Variants in OSBP2 observed in about 807,000 individuals in gnomAD.
OSBP2 encodes the protein oxysterol binding protein 2.
A neutral mutation model predicts 96.0 loss-of-function variants in OSBP2; 66 were observed. The ratio of observed to expected loss-of-function variants is 0.69; its 90% CI spans 0.56 to 0.84. The LOEUF (loss-of-function observed/expected upper bound fraction) is 0.84. Ranked by LOEUF, OSBP2 falls within the 40% of genes least tolerant of loss-of-function variation. The pLI is 0.00. For missense variants in OSBP2, 1,038 were observed against 1,222.7 expected, an observed-to-expected ratio of 0.85 and a Z score of 2.25; for synonymous variants, 525 against 520.9, an observed-to-expected ratio of 1.01 and a Z score of -0.11.
intron 1 of OSBP2, among the ~76,000 whole-genome samples, chr22:30,736,125 G>C (rs920697811): frequency 2.0e-5 from 3 of 152,022 alleles, no homozygotes; most frequent in Non-Finnish European, 4.4e-5. Flanking sequence ...TGTTGTCCAG[G>C]CTGGTCTTGA....
intron 2 of OSBP2, among the ~76,000 whole-genome samples, chr22:30,818,706 T>C (rs1448748291): frequency 6.6e-6 from 1 of 152,098 alleles, no homozygotes; most frequent in East Asian, 1.9e-4. Context: ...GGAAGGAACA[T>C]AGAGGAAACT....
intron 2 of OSBP2, among the ~76,000 whole-genome samples, chr22:30,794,135 G>A (rs1275627260): frequency 2.6e-5 from 4 of 152,010 alleles, no homozygotes; most frequent in Non-Finnish European, 4.4e-5. Context: ...GCCAAGGCAG[G>A]AAGATCACTT....
intron 2 of OSBP2, among the ~76,000 whole-genome samples, chr22:30,862,295 C>T (rs1475811270): frequency 6.6e-6 from 1 of 152,176 alleles, no homozygotes; most frequent in Non-Finnish European, 1.5e-5. Context: ...GGCAGGGGGC[C>T]CACCTGGTCC....
At chr22:30,840,727 CT>C (rs1174277884) in intron 2 of OSBP2, among the ~76,000 whole-genome samples, 1 of 152,010 alleles carries the variant, frequency 6.6e-6, no homozygotes, top group African/African-American at 2.4e-5. Flanking sequence ...TTGTTCCTTT[CT>C]GTATGGTGGG....
At chr22:30,715,529 C>G (rs2089436488) in intron 1 of OSBP2, among the ~76,000 whole-genome samples, 1 of 149,044 alleles carries the variant, frequency 6.7e-6, no homozygotes, top group Non-Finnish European at 1.5e-5. Context: ...GGTGTGCACA[C>G]CACCACACAT....
intron 2 of OSBP2, among the ~76,000 whole-genome samples, chr22:30,755,332 A>C (rs136344): frequency 0.62 from 93,894 of 152,034 alleles, 29,100 homozygotes; most frequent in Non-Finnish European, 0.65. Context: ...CTGGAGATGT[A>C]CAGGGCCCCA....
intron 2 of OSBP2, among the ~76,000 whole-genome samples, chr22:30,762,704 C>T (rs2090221704): frequency 6.6e-6 from 1 of 152,220 alleles, no homozygotes; most frequent in African/African-American, 2.4e-5. Flanking sequence ...TATCCAGCCC[C>T]TTCCCACACC....
chr22:30,694,880 C>G lies in OSBP2; in HGVS notation c.-30C>G. The G allele has an allele frequency of 8.8e-7, 1 of 1,133,918 alleles. No individual in the cohort carries two copies. The highest frequency in any genetic ancestry group is 1.1e-6 in the Non-Finnish European group (1 of 887,132). 70.2% of individuals were successfully genotyped at this position (1,133,918 alleles called of 1,614,324 possible). The stretch of plus-strand genomic sequence containing the variant: ...CGGCCTGCCCCCCGCCCCCACTGGC[C>G]GCTCGGCCGCGCGCGGGTCGGCCGG... On this transcript the variant is annotated 5_prime_UTR_variant, in exon 1 of 14. Transcript: ENST00000332585.
At chr22:30,821,184 C>G (rs1252820740) in intron 2 of OSBP2, among the ~76,000 whole-genome samples, 1 of 152,168 alleles carries the variant, frequency 6.6e-6, no homozygotes, top group Non-Finnish European at 1.5e-5. Context: ...GGAGCCTCAG[C>G]AGAGGAGTGG....
Position 30,871,194 on chromosome 22 carries a change from G to A in OSBP2, c.1107+512G>A, listed in dbSNP as rs746465018. On this transcript the variant is annotated intron_variant, in intron 3 of 13. Coordinates refer to ENST00000332585, the MANE Select transcript of OSBP2 (RefSeq NM_030758.4). This position sits in a 1 kb window ranked among gnomAD's most constrained non-coding sequence, Gnocchi z 4.7. Reference sequence around the variant, plus strand: ...CCTCAGAGCTGAGCCTGCCGAGGTCGTGCCAACCTGATGGTAGACAAAGCA... The same window carrying A: ...CCTCAGAGCTGAGCCTGCCGAGGTCATGCCAACCTGATGGTAGACAAAGCA... Among the ~76,000 whole-genome samples, 6 of 152,100 alleles carry A rather than the reference G, an allele frequency of 3.9e-5. No individual in the cohort carries two copies. Among genetic ancestry groups the A allele is most frequent in the Non-Finnish European group, 7.4e-5 (5 of 68,006 alleles).
rs941368774 is a variant in OSBP2, at chr22:30,906,561, C to T, written c.*222C>T. 1.7e-5 allele frequency: 8 copies of T among 483,620 alleles called. No homozygotes were observed. The highest frequency in any genetic ancestry group is 7.7e-5 in the Admixed American group (2 of 25,920). The allele number at this position is 483,620 out of a possible 1,614,324, so 30.0% of individuals were successfully genotyped here. On this transcript the variant is annotated 3_prime_UTR_variant, in exon 14 of 14. Transcript: ENST00000332585. ...CAGCCCCCAGGTGCGCCGGGTCACC[C>T]GTGCCCCTTCATTATGGACCTGGGC...
intron 1 of OSBP2, among the ~76,000 whole-genome samples, chr22:30,730,748 CTCTCTCTCTCTCTCTCTCTCTCTCTCTA>C (rs2089743241): frequency 1.4e-4 from 6 of 42,000 alleles, no homozygotes; most frequent in Admixed American, 2.8e-4. Flanking sequence ...CTCTCTCTCT[CTCTCTCTCTCTCTCTCTCTCTCTCTCTA>C]TATATATATA....
At chr22:30,704,373 C>T (rs936971491) in intron 1 of OSBP2, among the ~76,000 whole-genome samples, 5 of 152,122 alleles carry the variant, frequency 3.3e-5, no homozygotes, top group Admixed American at 1.3e-4. Flanking sequence ...CCTCCACCAC[C>T]GAGTTGTGAC....
At chr22:30,845,878 CA>C (rs544099138) in intron 2 of OSBP2, among the ~76,000 whole-genome samples, 8,261 of 70,444 alleles carry the variant, frequency 0.12, 138 homozygotes, top group African/African-American at 0.17. Context: ...GAGACTCTCT[CA>C]AAAAAAAAAA....
At chr22:30,743,567 C>G (rs961271007) in intron 2 of OSBP2, among the ~76,000 whole-genome samples, 1 of 152,156 alleles carries the variant, frequency 6.6e-6, no homozygotes, top group Non-Finnish European at 1.5e-5. Context: ...CTGTGGGAAG[C>G]CACTGTGGCA....
intron 3 of OSBP2, among the ~76,000 whole-genome samples, chr22:30,880,305 C>G (rs1039072858): frequency 1.3e-5 from 2 of 152,200 alleles, no homozygotes; most frequent in Non-Finnish European, 1.5e-5. Context: ...CCTCCGGCCG[C>G]CCACCTGGGA....
In OSBP2 at chr22:30,831,699, G is replaced by C. The variant is rs73154675; in HGVS notation, c.854-38730G>C. On this transcript the variant is annotated intron_variant, in intron 2 of 13. Coordinates refer to ENST00000332585, the MANE Select transcript of OSBP2 (RefSeq NM_030758.4). ...ATGCTGGCACTGCCCCTGTTCTCTG[G>C]AGTTATCTAGTGGGAGGTGGCTCAC... 4.8e-3 allele frequency among the ~76,000 whole-genome samples: 731 copies of C among 152,230 alleles called. 3 individuals carry two copies. Among genetic ancestry groups the C allele is most frequent in the Non-Finnish European group, 8.4e-3 (570 of 68,006 alleles).
chr22:30,828,227 TA>T (rs1016233729), intron 2 of OSBP2, among the ~76,000 whole-genome samples: 3 of 152,208 alleles, frequency 2.0e-5, no homozygotes, highest in Non-Finnish European at 4.4e-5. Context: ...CAGTAAATGG[TA>T]AAAGAAGACA....
chr22:30,901,517 T>TG (rs1484846004), intron 12 of OSBP2, among the ~76,000 whole-genome samples: 2 of 152,222 alleles, frequency 1.3e-5, no homozygotes, highest in Non-Finnish European at 2.9e-5. Context: ...CTACAATATC[T>TG]CTGATACATT....
Sources: gnomAD v4.1 joint callset for allele counts (sites outside exome capture counted in the v4.1 genomes callset) on GRCh38, gnomAD v4.1.1 for gene constraint, Gnocchi (gnomAD v3.1) non-coding constraint, MANE v1.5 for transcripts, NCBI Gene and HGNC (gene_info 2026-07-23, HGNC 2026-07-21) for gene names.